IGF2R: variants seen among roughly 807,000 people sequenced by gnomAD.
IGF2R encodes cation-independent mannose-6-phosphate receptor.
In IGF2R, 91 loss-of-function variants were observed where a neutral mutation model predicts 270.6. The observed-to-expected ratio is 0.34, with a 90% CI of 0.28 to 0.40. The LOEUF is 0.40. IGF2R is among the 10% of genes least tolerant of loss of function. IGF2R has a pLI of 1.00. For synonymous variants in IGF2R, 1,316 were observed against 1,258.9 expected, an observed-to-expected ratio of 1.05 and a Z score of -0.96; for missense variants, 2,805 against 3,188.3, an observed-to-expected ratio of 0.88 and a Z score of 2.90.
intron 2 of IGF2R, chr6:160,005,621 T>C (rs1023045621): frequency 6.6e-6 from 1 of 152,186 alleles, no homozygotes; most frequent in Non-Finnish European, 1.5e-5. Context: ...GTAGGGGCTC[T>C]TGACACAGAG....
At chr6:160,072,600 C>T (rs1427009748) in intron 32 of IGF2R, among the ~76,000 whole-genome samples, 165 bp from the exon 33 acceptor site, 2 of 152,204 alleles carry the variant, frequency 1.3e-5, no homozygotes, top group Non-Finnish European at 2.9e-5. Flanking sequence ...GACTGACAGT[C>T]TCATGATACA....
At position 160,072,904 on chromosome 6, in the gene IGF2R, G is replaced by T; in HGVS notation, c.4690+20G>T. 6.2e-7 allele frequency: 1 copy of T among 1,600,892 alleles called. No individual in the cohort carries two copies. The highest frequency in any genetic ancestry group is 8.5e-7 in the Non-Finnish European group (1 of 1,173,476). Reference sequence around the variant, plus strand: ...GCGTGGGTGAGTGCTGTGGTCTCTCGTGTGTTGTCTGACTCTCCCGTCCTC... The same window carrying T: ...GCGTGGGTGAGTGCTGTGGTCTCTCTTGTGTTGTCTGACTCTCCCGTCCTC... On this transcript the variant is annotated intron_variant, in intron 33 of 47. Coordinates refer to ENST00000356956, the MANE Select transcript of IGF2R (RefSeq NM_000876.4).
rs779423175 is a variant in IGF2R, at chr6:160,050,927, C to T, written c.2694+275C>T. 3.3e-5 allele frequency among the ~76,000 whole-genome samples: 5 copies of T among 152,020 alleles called. No homozygotes were observed. The highest frequency in any genetic ancestry group is 7.4e-5 in the Non-Finnish European group (5 of 68,008). On this transcript the variant is annotated intron_variant, in intron 19 of 47. Coordinates refer to ENST00000356956, the MANE Select transcript of IGF2R (RefSeq NM_000876.4). This position sits in a 1 kb window ranked among gnomAD's most constrained non-coding sequence, Gnocchi z 4.0. Reference sequence around the variant, plus strand: ...TGTTTCCTGGATTTTTTTTCTGAGTCGTACAGACATTATCTTGCCTCTTAG... The same window carrying T: ...TGTTTCCTGGATTTTTTTTCTGAGTTGTACAGACATTATCTTGCCTCTTAG...
At chr6:159,997,070 CT>C (rs1784064606) in intron 2 of IGF2R, among the ~76,000 whole-genome samples, 1 of 152,326 alleles carries the variant, frequency 6.6e-6, no homozygotes, top group African/African-American at 2.4e-5. Context: ...CACCTGGCTC[CT>C]GGGCTGGAAG....
chr6:160,002,485 C>G (rs1402411540), intron 2 of IGF2R, among the ~76,000 whole-genome samples: 1 of 152,136 alleles, frequency 6.6e-6, no homozygotes, highest in African/African-American at 2.4e-5. Flanking sequence ...TCCTTATTGT[C>G]TTCATGTTGC....
In IGF2R at chr6:160,084,218, A is replaced by G; in HGVS notation, c.6068+34A>G. On this transcript the variant is annotated intron_variant, in intron 40 of 47. Transcript: ENST00000356956. The surrounding 1 kb of genome is among the most constrained non-coding windows in gnomAD (Gnocchi z 4.6). ...CTTCCCAGTCCACCCGCGGCGCCAC[A>G]CCCTCAGCATGTGAACTTCAGACTG... 2.3e-6 allele frequency: 3 copies of G among 1,308,310 alleles called. No individual in the cohort carries two copies. Among genetic ancestry groups the G allele is most frequent in the Non-Finnish European group, 3.3e-6 (3 of 903,912 alleles). The allele number at this position is 1,308,310 out of a possible 1,614,324, so 81.0% of individuals were successfully genotyped here. A position where few individuals can be genotyped will look rare whatever the true frequency, so the allele number is the denominator to read the frequency against.
chr6:160,011,551 GTTTTT>G (rs546686832), intron 4 of IGF2R, among the ~76,000 whole-genome samples: 1 of 119,692 alleles, frequency 8.4e-6, no homozygotes. Context: ...CACATATTTC[GTTTTT>G]TTTTTTTTTT....
chr6:159,979,398 TC>T (rs1249289092), intron 1 of IGF2R, among the ~76,000 whole-genome samples: 1 of 152,142 alleles, frequency 6.6e-6, no homozygotes, highest in African/African-American at 2.4e-5. Context: ...CCCTCATTGT[TC>T]CCCTGAGGCA....
chr6:159,995,200 T>C (rs1256166813), intron 2 of IGF2R, among the ~76,000 whole-genome samples: 1 of 152,096 alleles, frequency 6.6e-6, no homozygotes, highest in East Asian at 1.9e-4. Flanking sequence ...TCTTTTTTTT[T>C]TCTTTTTTAA....
intron 4 of IGF2R, among the ~76,000 whole-genome samples, chr6:160,012,166 A>G (rs1043240100): frequency 3.9e-5 from 6 of 152,080 alleles, no homozygotes; most frequent in Admixed American, 3.9e-4. Context: ...TTTAAAGTGG[A>G]AAGAATTAAG....
chr6:160,106,422 G>A lies in IGF2R; in HGVS notation c.*1338G>A, dbSNP rs1195126547. 6.6e-6 allele frequency: 1 copy of A among 152,528 alleles called. No individual in the cohort carries two copies. The highest frequency in any genetic ancestry group is 2.4e-5 in the African/African-American group (1 of 41,406). The allele number at this position is 152,528 out of a possible 1,614,324, so 9.4% of individuals were successfully genotyped here. On this transcript the variant is annotated 3_prime_UTR_variant, in exon 48 of 48. Transcript: ENST00000356956. The stretch of plus-strand genomic sequence containing the variant: ...CCTGCAGCATCCCTCAGCCTGTACC[G>A]GTTTGGCTGGCTTGTTTGATTTCAA...
chr6:160,025,666 A>C (rs1461893784), intron 5 of IGF2R, among the ~76,000 whole-genome samples: 3 of 152,172 alleles, frequency 2.0e-5, no homozygotes, highest in Non-Finnish European at 1.5e-5. Context: ...AACCAATGAT[A>C]ACTAGGTTTT....
At chr6:159,974,221 C>G (rs1009632892) in intron 1 of IGF2R, among the ~76,000 whole-genome samples, 5 of 152,216 alleles carry the variant, frequency 3.3e-5, no homozygotes, top group African/African-American at 1.2e-4. Context: ...TTTCATCTCT[C>G]TGCTGACTCA....
chr6:160,077,139 C>A (rs984379050), intron 36 of IGF2R, among the ~76,000 whole-genome samples: 3 of 152,166 alleles, frequency 2.0e-5, no homozygotes, highest in African/African-American at 7.2e-5. Flanking sequence ...CCCAGAGCAC[C>A]TCAAAGCCCT....
At chr6:159,997,261 G>T (rs1475963647) in intron 2 of IGF2R, among the ~76,000 whole-genome samples, 2 of 146,230 alleles carry the variant, frequency 1.4e-5, no homozygotes, top group South Asian at 2.1e-4. Flanking sequence ...TAGATCTCTG[G>T]GAACCCTGCA....
At position 160,056,497 on chromosome 6, in the gene IGF2R, C is replaced by G; in HGVS notation, c.2768C>G (p.Pro923Arg). The change falls in exon 20 of 48, where the codon CCC becomes CGC. Residue 923 changes from proline to arginine, a missense_variant. Pro to Arg is a moderately radical substitution (Grantham distance 103). This residue lies in a region of IGF2R where 1,851 missense variants were observed against 2,207.2 expected (regional missense o/e 0.84). Coordinates refer to ENST00000356956, the MANE Select transcript of IGF2R (RefSeq NM_000876.4). ...SFLWNTEAAC[P>R]IQTTTDTDQA... is the part of the protein sequence containing the mutation. ...CTGTGGAACACAGAGGCTGCCTGTCCCATTCAGACAACGACGGATACAGAC... is the reference window on the plus strand; with the variant it reads ...CTGTGGAACACAGAGGCTGCCTGTCGCATTCAGACAACGACGGATACAGAC... The G allele has an allele frequency of 6.2e-7, 1 of 1,613,664 alleles. No individual in the cohort carries two copies. The highest frequency in any genetic ancestry group is 8.5e-7 in the Non-Finnish European group (1 of 1,179,568).
At position 160,089,948 on chromosome 6, in the gene IGF2R, A is replaced by C; in HGVS notation, c.6500A>C (p.Asn2167Thr). Residue 2167 changes from asparagine to threonine, a missense_variant, in exon 44 of 48, where the codon AAT becomes ACT. By Grantham distance (65) the Asn-to-Thr change is moderately conservative. Coordinates refer to ENST00000356956, the MANE Select transcript of IGF2R (RefSeq NM_000876.4). ...AGAGCCTCTGGGGACATGAGGACCA[A>C]TGGGGACAACTACCTGTATGAGATC... is the stretch of plus-strand genomic sequence containing the variant. ...LFRASGDMRT[N>T]GDNYLYEIQL... 2 of 1,601,048 alleles carry C rather than the reference A, an allele frequency of 1.2e-6. No individual in the cohort carries two copies. The highest frequency in any genetic ancestry group is 1.7e-6 in the Non-Finnish European group (2 of 1,174,154).
At chr6:160,060,381 A>G (rs1242795605) in intron 22 of IGF2R, among the ~76,000 whole-genome samples, 166 bp from the exon 23 acceptor site, 1 of 152,256 alleles carries the variant, frequency 6.6e-6, no homozygotes, top group African/African-American at 2.4e-5. Context: ...CACTTTGTTC[A>G]TGTCGAGTCC....
chr6:160,088,999 C>G, intron 42 of IGF2R, 108 bp from the exon 43 acceptor site: 2 of 1,157,148 alleles, frequency 1.7e-6, no homozygotes, highest in Non-Finnish European at 2.4e-6. Flanking sequence ...AGCACCTTGA[C>G]TGAAAGCCAG....
Sources: gnomAD v4.1 joint callset for allele counts (sites outside exome capture counted in the v4.1 genomes callset) on GRCh38, gnomAD v4.1.1 for gene constraint, gnomAD v4.1.1 regional missense constraint, Gnocchi (gnomAD v3.1) non-coding constraint, MANE v1.5 for transcripts, NCBI Gene and HGNC (gene_info 2026-07-23, HGNC 2026-07-21) for gene names.